The following SH3RF3 variants were observed in gnomAD, a reference collection of about 807,000 sequenced individuals.
SH3RF3 encodes the protein E3 ubiquitin-protein ligase SH3RF3.
SH3RF3 carries 29 observed loss-of-function variants against 66.3 expected under a neutral mutation model. The ratio of observed to expected loss-of-function variants is 0.44; its 90% CI spans 0.33 to 0.60. The LOEUF (loss-of-function observed/expected upper bound fraction) is 0.60. Among genes scored for constraint, SH3RF3 ranks in the 20% least tolerant of loss-of-function variants. The pLI, the probability that SH3RF3 is intolerant of heterozygous loss-of-function variation, is 0.04. For missense variants in SH3RF3, 1,194 were observed against 1,190.9 expected, an observed-to-expected ratio of 1.00 and a Z score of -0.04; for synonymous variants, 583 against 532.0, an observed-to-expected ratio of 1.10 and a Z score of -1.32.
At chr2:109,486,511 A>T (rs1349295281) in intron 8 of SH3RF3, among the ~76,000 whole-genome samples, 1 of 152,260 alleles carries the variant, frequency 6.6e-6, no homozygotes, top group Non-Finnish European at 1.5e-5. Context: ...GAGTAAACAC[A>T]TTATAAAAAC....
At chr2:109,456,008 G>C (rs1678044931) in intron 8 of SH3RF3, among the ~76,000 whole-genome samples, 1 of 152,340 alleles carries the variant, frequency 6.6e-6, no homozygotes, top group African/African-American at 2.4e-5. Flanking sequence ...CTGCCCTGCA[G>C]CCTGCTCACG....
intron 1 of SH3RF3, among the ~76,000 whole-genome samples, chr2:109,341,338 C>A (rs980922102): frequency 6.6e-6 from 1 of 152,214 alleles, no homozygotes; most frequent in African/African-American, 2.4e-5. Flanking sequence ...GGGATACACT[C>A]TGGTAAATGC....
At chr2:109,370,686 C>T (rs113394214) in intron 2 of SH3RF3, among the ~76,000 whole-genome samples, 2,766 of 152,212 alleles carry the variant, frequency 0.018, 81 homozygotes, top group African/African-American at 0.057. Context: ...CTCTTGGTAC[C>T]TGTGACAGTG....
At chr2:109,465,495 T>C (rs1678317046) in intron 8 of SH3RF3, among the ~76,000 whole-genome samples, 1 of 152,212 alleles carries the variant, frequency 6.6e-6, no homozygotes, top group Admixed American at 6.5e-5. Flanking sequence ...GCATTCAGTG[T>C]TGTCACTGTT....
At chr2:109,406,413 T>G (rs892827977) in intron 4 of SH3RF3, among the ~76,000 whole-genome samples, 1 of 151,966 alleles carries the variant, frequency 6.6e-6, no homozygotes, top group Non-Finnish European at 1.5e-5. Context: ...GGTCCATCAC[T>G]GAGAGCAGCT....
intron 4 of SH3RF3, among the ~76,000 whole-genome samples, chr2:109,413,827 G>C (rs552639971): frequency 2.6e-4 from 39 of 152,328 alleles, no homozygotes; most frequent in African/African-American, 8.9e-4. Context: ...CCCAAGCCAG[G>C]AGTGAGGGCT....
At chr2:109,483,291 C>G (rs572395334) in intron 8 of SH3RF3, among the ~76,000 whole-genome samples, 1 of 152,360 alleles carries the variant, frequency 6.6e-6, no homozygotes, top group African/African-American at 2.4e-5. Flanking sequence ...AAAGATAAGT[C>G]CCCGTTTCTT....
intron 1 of SH3RF3, among the ~76,000 whole-genome samples, chr2:109,227,688 C>G (rs1679402623): frequency 6.6e-6 from 1 of 152,208 alleles, no homozygotes; most frequent in African/African-American, 2.4e-5. Flanking sequence ...GCTGTGCTCC[C>G]TGCAGGTCAC....
intron 4 of SH3RF3, among the ~76,000 whole-genome samples, chr2:109,409,337 G>C (rs1221930835): frequency 6.6e-6 from 1 of 152,200 alleles, no homozygotes; most frequent in Non-Finnish European, 1.5e-5. Flanking sequence ...TCTAGACTTT[G>C]CAGCCAGGTA....
At chr2:109,316,903 C>T (rs1365693278) in intron 1 of SH3RF3, among the ~76,000 whole-genome samples, 3 of 152,162 alleles carry the variant, frequency 2.0e-5, no homozygotes, top group Non-Finnish European at 4.4e-5. Context: ...GTATACAGTG[C>T]GTAGCCTTTT....
At chr2:109,434,512 A>G (rs1409531151) in intron 6 of SH3RF3, among the ~76,000 whole-genome samples, 1 of 152,198 alleles carries the variant, frequency 6.6e-6, no homozygotes, top group Non-Finnish European at 1.5e-5. Context: ...CAGTGTCACC[A>G]CAGGGAGCTC....
At position 109,305,773 on chromosome 2, in the gene SH3RF3, A is replaced by T. The variant is rs372899456; in HGVS notation, c.574-41901A>T. 9.8e-5 allele frequency among the ~76,000 whole-genome samples: 15 copies of T among 152,338 alleles called. No homozygotes were observed. In the East Asian group the frequency reaches 1.4e-3, roughly 14 times the overall value. ...TGTTCTCTGCGGTTCCCTGAGACAG[A>T]TGCCACAAAACTTGCTGGAGGTGGT... is the stretch of plus-strand genomic sequence containing the variant. On this transcript the variant is annotated intron_variant, in intron 1 of 9. Coordinates refer to ENST00000309415, the MANE Select transcript of SH3RF3 (RefSeq NM_001099289.3).
intron 1 of SH3RF3, among the ~76,000 whole-genome samples, chr2:109,226,841 C>T (rs74562310): frequency 6.6e-6 from 1 of 152,220 alleles, no homozygotes; most frequent in Non-Finnish European, 1.5e-5. Flanking sequence ...AGGACCCCTA[C>T]AGCTGCAGGA....
At chr2:109,354,627 G>A (rs1007563421) in intron 2 of SH3RF3, among the ~76,000 whole-genome samples, 11 of 152,224 alleles carry the variant, frequency 7.2e-5, no homozygotes, top group African/African-American at 1.7e-4. Context: ...TGTGAGCTGC[G>A]ATATTTGCCA....
intron 8 of SH3RF3, among the ~76,000 whole-genome samples, chr2:109,462,086 C>T (rs928851893): frequency 6.6e-6 from 1 of 151,438 alleles, no homozygotes; most frequent in East Asian, 1.9e-4. Flanking sequence ...ATTTCCCATC[C>T]TCTGACATGC....
At position 109,248,106 on chromosome 2, in the gene SH3RF3, A is replaced by C. The variant is rs1160991219; in HGVS notation, c.574-99568A>C. Among the ~76,000 whole-genome samples the C allele has an allele frequency of 2.0e-5, 3 of 152,238 alleles. No homozygotes were observed. In the East Asian group the frequency reaches 5.8e-4, roughly 29 times the overall value. ...ATTGGAGGCTGTTACTCTACAATCC[A>C]CCACAAAGTCCACTGCCTGTTTTCT... On this transcript the variant is annotated intron_variant, in intron 1 of 9. Coordinates refer to ENST00000309415, the MANE Select transcript of SH3RF3 (RefSeq NM_001099289.3).
intron 2 of SH3RF3, among the ~76,000 whole-genome samples, chr2:109,353,167 C>T (rs558824916): frequency 6.6e-6 from 1 of 152,370 alleles, no homozygotes; most frequent in African/African-American, 2.4e-5. Flanking sequence ...CCACCTCACC[C>T]AGTCCTTGCT....
At chr2:109,435,595 G>A (rs1226419947) in intron 6 of SH3RF3, among the ~76,000 whole-genome samples, 2 of 152,192 alleles carry the variant, frequency 1.3e-5, no homozygotes, top group East Asian at 1.9e-4. Context: ...GTGAGGGCAC[G>A]CACTAAGGAA....
At chr2:109,370,745 C>T (rs978205106) in intron 2 of SH3RF3, among the ~76,000 whole-genome samples, 1 of 152,168 alleles carries the variant, frequency 6.6e-6, no homozygotes, top group South Asian at 2.1e-4. Flanking sequence ...TCAACCCCCC[C>T]GAAAGCCCGC....
Sources: gnomAD v4.1 joint callset for allele counts (sites outside exome capture counted in the v4.1 genomes callset) on GRCh38, gnomAD v4.1.1 for gene constraint, MANE v1.5 for transcripts, NCBI Gene and HGNC (gene_info 2026-07-23, HGNC 2026-07-21) for gene names.